The following BBS9 variants were observed in gnomAD, a reference collection of about 807,000 sequenced individuals.
BBS9 encodes protein PTHB1.
BBS9 carries 89 observed loss-of-function variants against 117.7 expected under a neutral mutation model. The observed-to-expected ratio is 0.76, with a 90% CI of 0.64 to 0.90. BBS9 has a LOEUF of 0.90. Among genes scored for constraint, BBS9 ranks in the 40% least tolerant of loss-of-function variants. The probability of loss-of-function intolerance (pLI) is 0.00; values close to 1 mark genes in which losing one functional copy is unlikely to be tolerated. For synonymous variants in BBS9, 379 were observed against 370.9 expected, an observed-to-expected ratio of 1.02 and a Z score of -0.25; for missense variants, 982 against 1,042.2, an observed-to-expected ratio of 0.94 and a Z score of 0.80.
At chr7:33,598,677 A>C (rs913767711) in intron 21 of BBS9, among the ~76,000 whole-genome samples, 4 of 152,160 alleles carry the variant, frequency 2.6e-5, no homozygotes, top group Non-Finnish European at 5.9e-5. Flanking sequence ...ATTAGAGAAA[A>C]ATTTTTTTAC....
intron 4 of BBS9, chr7:33,157,546 G>A (rs1794273799): frequency 6.6e-6 from 1 of 152,274 alleles, no homozygotes; most frequent in Middle Eastern, 3.4e-3. Context: ...AAATTGAGAA[G>A]CATGGGAATG....
At position 33,572,705 on chromosome 7, in the gene BBS9, A is replaced by G. The variant is rs1349776702; in HGVS notation, c.2522-32160A>G. The stretch of plus-strand genomic sequence containing the variant: ...TCTCTGATGATTAGCGATGTTGAGC[A>G]TATTTTTCATGTATGTGTTGCCCAT... On this transcript the variant is annotated intron_variant, in intron 21 of 22. Coordinates refer to ENST00000242067, the MANE Select transcript of BBS9 (RefSeq NM_198428.3). Among the ~76,000 whole-genome samples, 9 of 152,060 alleles carry G rather than the reference A, an allele frequency of 5.9e-5. 1 individual carries two copies. In the East Asian group the frequency reaches 1.7e-3, roughly 29 times the overall value.
intron 19 of BBS9, among the ~76,000 whole-genome samples, chr7:33,431,055 C>A (rs533736383): frequency 4.2e-4 from 63 of 151,248 alleles, no homozygotes; most frequent in African/African-American, 1.3e-3. Context: ...CTTAGACAGG[C>A]ATGGTGCTGT....
chr7:33,534,674 C>T (rs1372465355), intron 21 of BBS9, among the ~76,000 whole-genome samples: 4 of 152,136 alleles, frequency 2.6e-5, no homozygotes, highest in Non-Finnish European at 5.9e-5. Flanking sequence ...AGCCCAGGCA[C>T]CCATGGGCCA....
chr7:33,501,324 T>C (rs1446626894), intron 19 of BBS9, among the ~76,000 whole-genome samples: 5 of 152,154 alleles, frequency 3.3e-5, no homozygotes. Flanking sequence ...ATTGAGAACA[T>C]GGAGAGCTGT....
chr7:33,402,540 T>C (rs1829084174), intron 19 of BBS9, among the ~76,000 whole-genome samples: 1 of 152,198 alleles, frequency 6.6e-6, no homozygotes, highest in Non-Finnish European at 1.5e-5. Context: ...AAGAAACTAC[T>C]AATCTACTTT....
At chr7:33,217,109 A>G (rs1411455084) in intron 5 of BBS9, among the ~76,000 whole-genome samples, 1 of 152,170 alleles carries the variant, frequency 6.6e-6, no homozygotes, top group Non-Finnish European at 1.5e-5. Context: ...AACAAAAAAA[A>G]TTAACCAACT....
chr7:33,380,978 C>T (rs905602244), intron 17 of BBS9: 1 of 152,114 alleles, frequency 6.6e-6, no homozygotes, highest in East Asian at 1.9e-4. Flanking sequence ...CAGGTCTGTA[C>T]CTCATGAAAT....
At position 33,576,330 on chromosome 7, in the gene BBS9, C is replaced by T. The variant is rs1454764127; in HGVS notation, c.2522-28535C>T. On this transcript the variant is annotated intron_variant, in intron 21 of 22. Coordinates refer to ENST00000242067, the MANE Select transcript of BBS9 (RefSeq NM_198428.3). ...AATTGCTATAAAGAGAATAAAATACCTAGGAATCCAACTTACAAGAGATGT... is the reference window on the plus strand; with the variant it reads ...AATTGCTATAAAGAGAATAAAATACTTAGGAATCCAACTTACAAGAGATGT... Among the ~76,000 whole-genome samples the T allele has an allele frequency of 2.0e-5, 3 of 152,066 alleles. No homozygotes were observed. In the East Asian group the frequency reaches 5.8e-4, roughly 29 times the overall value.
intron 5 of BBS9, among the ~76,000 whole-genome samples, chr7:33,248,240 C>T (rs1386983744): frequency 2.6e-5 from 4 of 152,188 alleles, no homozygotes; most frequent in Non-Finnish European, 5.9e-5. Flanking sequence ...TTCAGCTCAA[C>T]ATATGCATTC....
intron 4 of BBS9, among the ~76,000 whole-genome samples, chr7:33,163,057 A>G (rs1163765219): frequency 6.6e-6 from 1 of 152,034 alleles, no homozygotes; most frequent in African/African-American, 2.4e-5. Context: ...TGAATTTTGT[A>G]GAGGCGTTTT....
At chr7:33,380,873 C>T (rs889042352) in intron 17 of BBS9, 1 of 152,306 alleles carries the variant, frequency 6.6e-6, no homozygotes, top group East Asian at 1.9e-4. Flanking sequence ...ACTCAGCTCC[C>T]CCTAGAAGCC....
chr7:33,173,691 C>T (rs1796937104), intron 4 of BBS9, among the ~76,000 whole-genome samples: 1 of 151,974 alleles, frequency 6.6e-6, no homozygotes, highest in Admixed American at 6.6e-5. Context: ...CAGTGTTGTT[C>T]ATTTGGAACA....
At chr7:33,267,064 A>T (rs556935424) in intron 7 of BBS9, among the ~76,000 whole-genome samples, 6 of 151,964 alleles carry the variant, frequency 3.9e-5, no homozygotes, top group Non-Finnish European at 5.9e-5. Context: ...TTATTTATTT[A>T]TTTTTTGCTT....
At chr7:33,485,195 T>C (rs745710533) in intron 19 of BBS9, among the ~76,000 whole-genome samples, 11 of 152,176 alleles carry the variant, frequency 7.2e-5, no homozygotes, top group Non-Finnish European at 1.6e-4. Flanking sequence ...GGTGCTGGGC[T>C]TAATACCTTG....
intron 21 of BBS9, among the ~76,000 whole-genome samples, chr7:33,537,961 T>C (rs1851713113): frequency 6.6e-6 from 1 of 152,186 alleles, no homozygotes. Context: ...AGGTGATGCT[T>C]TGCCTAAGAA....
chr7:33,305,510 A>G (rs954907328), intron 9 of BBS9, among the ~76,000 whole-genome samples: 1 of 152,216 alleles, frequency 6.6e-6, no homozygotes, highest in African/African-American at 2.4e-5. Context: ...AATATTTGGT[A>G]GAATCAGCAG....
At chr7:33,171,424 T>C (rs1486716285) in intron 4 of BBS9, among the ~76,000 whole-genome samples, 1 of 152,222 alleles carries the variant, frequency 6.6e-6, no homozygotes, top group African/African-American at 2.4e-5. Flanking sequence ...AAACATATCT[T>C]GCTTTTGTTT....
At chr7:33,578,149 T>G (rs1393208536) in intron 21 of BBS9, among the ~76,000 whole-genome samples, 1 of 152,218 alleles carries the variant, frequency 6.6e-6, no homozygotes, top group African/African-American at 2.4e-5. Flanking sequence ...TTTTATACTA[T>G]TATCATGCCT....
Sources: allele counts gnomAD v4.1 joint callset (sites outside exome capture counted in the v4.1 genomes callset), GRCh38; gene constraint gnomAD v4.1.1; transcripts MANE v1.5; gene names NCBI Gene and HGNC (gene_info 2026-07-23, HGNC 2026-07-21).